The following RGS13 variants were observed in gnomAD, a reference collection of about 807,000 sequenced individuals.
The protein encoded by RGS13 is regulator of G-protein signalling 13.
In RGS13, 14 loss-of-function variants were observed where a neutral mutation model predicts 19.9. That is an observed-to-expected ratio of 0.70 (90% CI 0.46 to 1.10). The LOEUF is 1.10. Among genes scored for constraint, RGS13 ranks in the 50% least tolerant of loss-of-function variants. RGS13 has a pLI of 0.00. For synonymous variants in RGS13, 60 were observed against 56.8 expected, an observed-to-expected ratio of 1.06 and a Z score of -0.25; for missense variants, 205 against 187.1, an observed-to-expected ratio of 1.10 and a Z score of -0.56.
rs1437784084 is a variant in RGS13 at position 192,636,222 on chromosome 1, TG to T, written c.-208del. 6 of 152,176 alleles carry T rather than the reference TG, an allele frequency of 3.9e-5. No homozygotes were observed. The highest frequency in any genetic ancestry group is 1.3e-4 in the Admixed American group (2 of 15,266). 9.4% of individuals were successfully genotyped at this position (152,176 alleles called of 1,614,324 possible). On this transcript the variant is annotated 5_prime_UTR_variant, in exon 1 of 7. It removes the in-frame stop codon of an upstream open reading frame in the 5' UTR. Coordinates refer to ENST00000391995, the MANE Select transcript of RGS13 (RefSeq NM_002927.5). ...TTTTACTCTGGGAAAAATAAAATGC[TG>T]GGTGTCTCACAAAATTTCAGAACCT...
intron 5 of RGS13, among the ~76,000 whole-genome samples, chr1:192,655,619 C>T (rs957716762): frequency 3.3e-5 from 5 of 151,960 alleles, no homozygotes; most frequent in Non-Finnish European, 5.9e-5. Context: ...CTGACATAAA[C>T]AGGACATGGA....
intron 1 of RGS13, among the ~76,000 whole-genome samples, chr1:192,636,789 A>G (rs1663025379): frequency 2.6e-5 from 4 of 151,956 alleles, no homozygotes. Flanking sequence ...TTGATTTTGT[A>G]GAATTTTTTT....
At chr1:192,649,958 C>G (rs887139868) in intron 5 of RGS13, among the ~76,000 whole-genome samples, 1 of 152,090 alleles carries the variant, frequency 6.6e-6, no homozygotes, top group African/African-American at 2.4e-5. Context: ...CAGCTTGCCT[C>G]TCATTTACCT....
At chr1:192,651,293 C>T (rs755674789) in intron 5 of RGS13, among the ~76,000 whole-genome samples, 2 of 152,052 alleles carry the variant, frequency 1.3e-5, no homozygotes, top group Non-Finnish European at 2.9e-5. Flanking sequence ...TGGAAGTCAA[C>T]AGTGCCTCAA....
At chr1:192,645,703 C>T (rs772801081) in intron 4 of RGS13, 1 of 151,922 alleles carries the variant, frequency 6.6e-6, no homozygotes, top group Non-Finnish European at 1.5e-5. Context: ...AATAAAGGCA[C>T]CTGGATAGCC....
chr1:192,647,836 T>A (rs1389432177), intron 4 of RGS13, 90 bp from the exon 5 acceptor site: 5 of 659,596 alleles, frequency 7.6e-6, no homozygotes, highest in East Asian at 3.0e-5. Flanking sequence ...TATATTTTGG[T>A]GTCATTTTCA....
Position 192,659,620 on chromosome 1 carries a change from T to A in RGS13, c.*97T>A. 1 of 830,228 alleles carries A rather than the reference T, an allele frequency of 1.2e-6. No individual in the cohort carries two copies. Among genetic ancestry groups the A allele is most frequent in the Non-Finnish European group, 1.9e-6 (1 of 530,180 alleles). 51.4% of individuals were successfully genotyped at this position (830,228 alleles called of 1,614,324 possible). On this transcript the variant is annotated 3_prime_UTR_variant, in exon 7 of 7. Coordinates refer to ENST00000391995, the MANE Select transcript of RGS13 (RefSeq NM_002927.5). ...CACAAAATCAGAAACACAGTACAAA[T>A]AAAACAGAAATCAAACTATAAGTTG... is the stretch of plus-strand genomic sequence containing the variant.
At chr1:192,654,766 G>C (rs1663405179) in intron 5 of RGS13, among the ~76,000 whole-genome samples, 1 of 152,012 alleles carries the variant, frequency 6.6e-6, no homozygotes, top group Non-Finnish European at 1.5e-5. Context: ...AAGAACACTG[G>C]CATGTGTCAC....
chr1:192,658,328 G>A lies in RGS13; in HGVS notation c.255G>A (p.Lys85=). ...GGAGCAGAATTTCTAGGGCAAAGAA[G>A]CTTTATAAGATTTACATCCAGCCAC... ...SRWSRISRAK[K]LYKIYIQPQS... The change falls in exon 6 of 7, where the codon AAG becomes AAA. Residue 85 remains lysine (K), a synonymous_variant. Coordinates refer to ENST00000391995, the MANE Select transcript of RGS13 (RefSeq NM_002927.5). 3.1e-6 allele frequency: 5 copies of A among 1,613,346 alleles called. No homozygotes were observed. Among genetic ancestry groups the A allele is most frequent in the Non-Finnish European group, 4.2e-6 (5 of 1,179,700 alleles).
intron 3 of RGS13, among the ~76,000 whole-genome samples, chr1:192,643,061 G>A (rs1017458898): frequency 1.6e-4 from 24 of 151,420 alleles, no homozygotes; most frequent in African/African-American, 4.1e-4. Flanking sequence ...GAATCTTACC[G>A]TGTTGCCCAG....
At chr1:192,644,270 A>C (rs1253724162) in intron 3 of RGS13, 61 bp from the exon 4 acceptor site, 3 of 1,198,512 alleles carry the variant, frequency 2.5e-6, no homozygotes, top group Non-Finnish European at 3.6e-6. Flanking sequence ...TTAGAAACTG[A>C]CTGTAACATA....
chr1:192,658,423 A>C, intron 6 of RGS13, 56 bp downstream of exon 6: 4 of 1,519,184 alleles, frequency 2.6e-6, no homozygotes, highest in Non-Finnish European at 3.6e-6. Flanking sequence ...AAGGGCATTA[A>C]TATCTGTCAA....
At chr1:192,643,445 T>C (rs932785334) in intron 3 of RGS13, among the ~76,000 whole-genome samples, 4 of 125,708 alleles carry the variant, frequency 3.2e-5, no homozygotes, top group African/African-American at 5.0e-5. Context: ...CCTTCTATGA[T>C]ATGTATTGTT....
At chr1:192,644,433 A>G (rs776252871) in intron 4 of RGS13, 34 bp downstream of exon 4, 2 of 1,436,884 alleles carry the variant, frequency 1.4e-6, no homozygotes, top group Non-Finnish European at 2.0e-6. Flanking sequence ...GGTAATTGTA[A>G]AGCATATTTA....
Position 192,658,440 on chromosome 1 carries a change from A to G in RGS13, c.294+73A>G, listed in dbSNP as rs74488335. On this transcript the variant is annotated intron_variant, in intron 6 of 6. Transcript: ENST00000391995. ...GGGCATTAATATCTGTCAAGCATCC[A>G]TAAGTGCCAGGCACTTTACATCCAG... 2,024 of 1,422,820 alleles carry G rather than the reference A, an allele frequency of 1.4e-3. 28 individuals carry two copies. In the African/African-American group the frequency reaches 0.027, roughly 19 times the overall value. The allele number at this position is 1,422,820 out of a possible 1,614,324, so 88.1% of individuals were successfully genotyped here.
rs768670266 is a variant in RGS13 at position 192,642,263 on chromosome 1, C to A, written c.-4-2068C>A. ...TTGGTTCAATCTTAACTCTCTAAGC[C>A]TCTCAGCTCACTGTCTCATTCTGTC... On this transcript the variant is annotated intron_variant, in intron 3 of 6. Transcript: ENST00000391995. 4.0e-5 allele frequency among the ~76,000 whole-genome samples: 6 copies of A among 151,804 alleles called. No individual in the cohort carries two copies. In the South Asian group the frequency reaches 1.2e-3, roughly 32 times the overall value.
At position 192,659,639 on chromosome 1, in the gene RGS13, T is replaced by C; in HGVS notation, c.*116T>C. On this transcript the variant is annotated 3_prime_UTR_variant, in exon 7 of 7. Transcript: ENST00000391995. ...TACAAATAAAACAGAAATCAAACTATAAGTTGACTTTTAGTTCCTAAAAAG... is the reference window on the plus strand; with the variant it reads ...TACAAATAAAACAGAAATCAAACTACAAGTTGACTTTTAGTTCCTAAAAAG... 1 of 731,242 alleles carries C rather than the reference T, an allele frequency of 1.4e-6. No homozygotes were observed. The highest frequency in any genetic ancestry group is 2.2e-6 in the Non-Finnish European group (1 of 447,854). The allele number at this position is 731,242 out of a possible 1,614,324, so 45.3% of individuals were successfully genotyped here. A position where few individuals can be genotyped will look rare whatever the true frequency, so the allele number is the denominator to read the frequency against.
At chr1:192,641,245 A>AAAG (rs71111415) in intron 3 of RGS13, among the ~76,000 whole-genome samples, 1,530 of 86,142 alleles carry the variant, frequency 0.018, 35 homozygotes, top group South Asian at 0.057. Context: ...AGAAAGAAAG[A>AAAG]AAAGAAAGAA....
chr1:192,645,989 C>T (rs1663214172), intron 4 of RGS13: 1 of 152,138 alleles, frequency 6.6e-6, no homozygotes, highest in Admixed American at 6.6e-5. Flanking sequence ...AACGGACAGG[C>T]ATTCAATAAA....
Sources: gnomAD v4.1 joint callset for allele counts (sites outside exome capture counted in the v4.1 genomes callset) on GRCh38, gnomAD v4.1.1 for gene constraint, MANE v1.5 for transcripts, NCBI Gene and HGNC (gene_info 2026-07-23, HGNC 2026-07-21) for gene names.